Variants in MC5R observed in about 807,000 individuals in gnomAD.
MC5R encodes the protein melanocortin receptor 5.
For synonymous variants in MC5R, 167 were observed against 164.4 expected, an observed-to-expected ratio of 1.02 and a Z score of -0.12; for missense variants, 420 against 431.4, an observed-to-expected ratio of 0.97 and a Z score of 0.23.
chr18:13,825,643 CTG>C, intron 1 of MC5R, 82 bp from the exon 2 acceptor site: 1 of 752,236 alleles, frequency 1.3e-6, no homozygotes, highest in African/African-American at 1.8e-5. Context: ...CTTTCTTAGG[CTG>C]TGTTGGTTCT....
At position 13,826,242 on chromosome 18, in the gene MC5R, A is replaced by C; in HGVS notation, c.477A>C (p.Ser159=). The change falls in exon 2 of 2, where the codon TCA becomes TCC. Residue 159 remains serine, a synonymous_variant. Transcript: ENST00000589410. ...RYHHIMTARR[S]GAIIAGIWAF... The stretch of plus-strand genomic sequence containing the variant: ...ACCACATCATGACGGCGAGGCGCTC[A>C]GGGGCCATCATCGCCGGCATCTGGG... The C allele has an allele frequency of 6.2e-7, 1 of 1,614,126 alleles. No individual in the cohort carries two copies. The highest frequency in any genetic ancestry group is 8.5e-7 in the Non-Finnish European group (1 of 1,180,036).
Position 13,826,247 on chromosome 18 carries a change from C to T in MC5R, c.482C>T (p.Ala161Val), listed in dbSNP as rs758170512. 10 of 1,614,130 alleles carry T rather than the reference C, an allele frequency of 6.2e-6. No homozygotes were observed. The highest frequency in any genetic ancestry group is 1.1e-5 in the South Asian group (1 of 91,074). ...ATCATGACGGCGAGGCGCTCAGGGG[C>T]CATCATCGCCGGCATCTGGGCTTTC... ...HHIMTARRSGAIIAGIWAFCT... is the reference protein window; with the variant it reads ...HHIMTARRSGVIIAGIWAFCT... Residue 161 changes from alanine (A) to valine (V), a missense_variant, in exon 2 of 2, where the codon GCC becomes GTC. By Grantham distance (64) the Ala-to-Val change is moderately conservative. Transcript: ENST00000589410.
rs1272979555 is a variant in MC5R, at chr18:13,826,636, G to C, written c.871G>C (p.Asp291His). ...ACTCATCATGTGTAATTCCGTGATG[G>C]ACCCTCTCATATATGCCTTCCGCAG... Reference protein sequence around the residue: ...LILIMCNSVMDPLIYAFRSQE... With the variant: ...LILIMCNSVMHPLIYAFRSQE... The change falls in exon 2 of 2, where the codon GAC becomes CAC. Residue 291 changes from aspartate (D) to histidine (H), a missense_variant. Coordinates refer to ENST00000589410, the MANE Select transcript of MC5R (RefSeq NM_005913.3). 2 of 1,614,040 alleles carry C rather than the reference G, an allele frequency of 1.2e-6. No homozygotes were observed. Among genetic ancestry groups the C allele is most frequent in the Non-Finnish European group, 1.7e-6 (2 of 1,179,994 alleles).
In MC5R at chr18:13,826,905, T is replaced by A. The variant is rs764468918; in HGVS notation, c.*162T>A. The A allele has an allele frequency of 5.1e-5, 35 of 691,626 alleles. No homozygotes were observed. The highest frequency in any genetic ancestry group is 9.4e-5 in the Admixed American group (3 of 31,990). 42.8% of individuals were successfully genotyped at this position (691,626 alleles called of 1,614,324 possible). On this transcript the variant is annotated 3_prime_UTR_variant, in exon 2 of 2. Transcript: ENST00000589410. ...CTCTGTTCAGTTCCTGGTGATTATG[T>A]CCAACATGCAAGGGTTGCTTATCCA...
intron 1 of MC5R, among the ~76,000 whole-genome samples, chr18:13,824,659 TC>T (rs2044917629): frequency 7.0e-6 from 1 of 142,932 alleles, no homozygotes; most frequent in African/African-American, 2.5e-5. Flanking sequence ...CCTCCCTCCC[TC>T]CCAAAGTGAT....
intron 1 of MC5R, 82 bp downstream of exon 1, chr18:13,824,356 G>C (rs940564755): frequency 2.6e-5 from 4 of 152,264 alleles, no homozygotes; most frequent in Non-Finnish European, 5.9e-5. Context: ...GGAAGTGAGC[G>C]GGGCGGCAGC....
rs756711303 is a variant in MC5R at position 13,826,672 on chromosome 18, C to T, written c.907C>T (p.Arg303Trp). Residue 303 changes from arginine (R) to tryptophan (W), a missense_variant, in exon 2 of 2, where the codon CGG becomes TGG. Coordinates refer to ENST00000589410, the MANE Select transcript of MC5R (RefSeq NM_005913.3). ...LIYAFRSQEM[R>W]KTFKEIICCR... The stretch of plus-strand genomic sequence containing the variant: ...ATATGCCTTCCGCAGCCAAGAGATG[C>T]GGAAGACCTTTAAGGAGATTATTTG... 1.9e-6 allele frequency: 3 copies of T among 1,614,048 alleles called. No homozygotes were observed. The highest frequency in any genetic ancestry group is 3.3e-5 in the Admixed American group (2 of 60,028).
chr18:13,825,593 A>G, intron 1 of MC5R, 134 bp from the exon 2 acceptor site: 1 of 463,890 alleles, frequency 2.2e-6, no homozygotes, highest in South Asian at 4.3e-5. Context: ...GGACTGAGTG[A>G]GCCGAGCCCA....
chr18:13,826,351 G>T lies in MC5R; in HGVS notation c.586G>T (p.Ala196Ser), dbSNP rs143398965. Reference protein sequence around the residue: ...VILCLISMFFAMLFLLVSLYI... With the variant: ...VILCLISMFFSMLFLLVSLYI... ...CCTGTGCCTCATCTCCATGTTCTTC[G>T]CTATGCTGTTCCTCCTGGTGTCTCT... Residue 196 changes from alanine to serine, a missense_variant, in exon 2 of 2, where the codon GCT becomes TCT. Ala to Ser is a moderately conservative substitution (Grantham distance 99). Coordinates refer to ENST00000589410, the MANE Select transcript of MC5R (RefSeq NM_005913.3). 25 of 1,613,948 alleles carry T rather than the reference G, an allele frequency of 1.5e-5. No individual in the cohort carries two copies. The highest frequency in any genetic ancestry group is 2.2e-5 in the East Asian group (1 of 44,878).
At position 13,826,612 on chromosome 18, in the gene MC5R, CTCA is replaced by C; in HGVS notation, c.852_854del (p.Ile284del). Reference sequence around the variant, plus strand: ...GTCTCACTTCAATATGTACCTCATACTCATCATGTGTAATTCCGTGATGGACCC... The same window carrying C: ...GTCTCACTTCAATATGTACCTCATACTCATGTGTAATTCCGTGATGGACCC... On this transcript the variant is annotated inframe_deletion, in exon 2 of 2. Coordinates refer to ENST00000589410, the MANE Select transcript of MC5R (RefSeq NM_005913.3). 1.2e-6 allele frequency: 2 copies of C among 1,614,156 alleles called. No individual in the cohort carries two copies. Among genetic ancestry groups the C allele is most frequent in the Non-Finnish European group, 1.7e-6 (2 of 1,180,040 alleles).
rs1311325561 is a variant in MC5R at position 13,827,107 on chromosome 18, A to T, written c.*364A>T. The T allele has an allele frequency of 5.2e-6, 1 of 190,982 alleles. No homozygotes were observed. The highest frequency in any genetic ancestry group is 1.1e-5 in the Non-Finnish European group (1 of 93,980). 11.8% of individuals were successfully genotyped at this position (190,982 alleles called of 1,614,324 possible). On this transcript the variant is annotated 3_prime_UTR_variant, in exon 2 of 2. Coordinates refer to ENST00000589410, the MANE Select transcript of MC5R (RefSeq NM_005913.3). ...GAAACACGTATTGTGACGCGAAGAA[A>T]ACCGTGATATCGACGCCAGGTGGGA...
chr18:13,824,781 A>T (rs2044918120), intron 1 of MC5R, among the ~76,000 whole-genome samples: 1 of 151,274 alleles, frequency 6.6e-6, no homozygotes, highest in South Asian at 2.1e-4. Context: ...TTTTGCAACA[A>T]AGGAGTGTGG....
In MC5R at chr18:13,826,193, C is replaced by G. The variant is rs368712207; in HGVS notation, c.428C>G (p.Thr143Ser). Residue 143 changes from threonine (T) to serine (S), a missense_variant, in exon 2 of 2, where the codon ACC (threonine) becomes AGC (serine). Physicochemically the swap from Thr to Ser is moderately conservative, Grantham distance 58. Transcript: ENST00000589410. ...LLAIAVDRYV[T>S]IFYALRYHHI... ...GCCATTGCAGTGGATAGGTACGTCA[C>G]CATCTTCTACGCCCTGCGCTACCAC... The G allele has an allele frequency of 1.9e-6, 3 of 1,614,158 alleles. No individual in the cohort carries two copies. The highest frequency in any genetic ancestry group is 2.5e-6 in the Non-Finnish European group (3 of 1,180,048).
At chr18:13,824,503 CCT>C (rs2044916722) in intron 1 of MC5R, among the ~76,000 whole-genome samples, 2 of 152,032 alleles carry the variant, frequency 1.3e-5, no homozygotes, top group South Asian at 4.1e-4. Flanking sequence ...CCAATTTTTT[CCT>C]TTTTTATTTT....
chr18:13,826,791 C>T lies in MC5R; in HGVS notation c.*48C>T. On this transcript the variant is annotated 3_prime_UTR_variant, in exon 2 of 2. Transcript: ENST00000589410. ...GCTCTGTTCTCCTTTGTTTGCTCAC[C>T]TATGACAAAGCGACAGCCAAGGGGT... 6.5e-7 allele frequency: 1 copy of T among 1,533,642 alleles called. No individual in the cohort carries two copies. Among genetic ancestry groups the T allele is most frequent in the Non-Finnish European group, 8.7e-7 (1 of 1,148,478 alleles).
chr18:13,826,278 G>C lies in MC5R; in HGVS notation c.513G>C (p.Thr171=), dbSNP rs768057849. 2.5e-6 allele frequency: 4 copies of C among 1,614,104 alleles called. No homozygotes were observed. In the South Asian group the frequency reaches 3.3e-5, roughly 13 times the overall value. Residue 171 remains threonine, a synonymous_variant, in exon 2 of 2, where the codon ACG becomes ACC. Coordinates refer to ENST00000589410, the MANE Select transcript of MC5R (RefSeq NM_005913.3). ...AIIAGIWAFC[T]GCGIVFILYS... ...TCGCCGGCATCTGGGCTTTCTGCAC[G>C]GGCTGCGGCATTGTCTTCATCCTGT...
rs1478807423 is a variant in MC5R at position 13,826,562 on chromosome 18, A to G, written c.797A>G (p.Gln266Arg). 3 of 1,614,068 alleles carry G rather than the reference A, an allele frequency of 1.9e-6. No homozygotes were observed. The highest frequency in any genetic ancestry group is 1.1e-5 in the South Asian group (1 of 91,088). Reference protein sequence around the residue: ...LHLTLMLSCPQNLYCSRFMSH... With the variant: ...LHLTLMLSCPRNLYCSRFMSH... ...CTCACTTTAATGCTTTCTTGCCCTC[A>G]GAACCTCTACTGCTCTCGCTTCATG... Residue 266 changes from glutamine (Q) to arginine (R), a missense_variant, in exon 2 of 2, where the codon CAG becomes CGG. Transcript: ENST00000589410.
At chr18:13,824,456 G>A (rs2044916435) in intron 1 of MC5R, among the ~76,000 whole-genome samples, 182 bp downstream of exon 1, 1 of 152,234 alleles carries the variant, frequency 6.6e-6, no homozygotes. Context: ...GAACTCAGCT[G>A]TAACAAATGA....
At position 13,826,238 on chromosome 18, in the gene MC5R, G is replaced by A. The variant is rs756388651; in HGVS notation, c.473G>A (p.Arg158His). 9 of 1,613,980 alleles carry A rather than the reference G, an allele frequency of 5.6e-6. No individual in the cohort carries two copies. Among genetic ancestry groups the A allele is most frequent in the African/African-American group, 4.0e-5 (3 of 74,916 alleles). Residue 158 changes from arginine to histidine, a missense_variant, in exon 2 of 2, where the codon CGC (arginine) becomes CAC (histidine). Physicochemically the swap from Arg to His is conservative, Grantham distance 29. Coordinates refer to ENST00000589410, the MANE Select transcript of MC5R (RefSeq NM_005913.3). ...TACCACCACATCATGACGGCGAGGCGCTCAGGGGCCATCATCGCCGGCATC... is the reference window on the plus strand; with the variant it reads ...TACCACCACATCATGACGGCGAGGCACTCAGGGGCCATCATCGCCGGCATC... ...LRYHHIMTAR[R>H]SGAIIAGIWA... is the part of the protein sequence containing the mutation.
Sources: allele counts gnomAD v4.1 joint callset (sites outside exome capture counted in the v4.1 genomes callset), GRCh38; gene constraint gnomAD v4.1.1; transcripts MANE v1.5; gene names NCBI Gene and HGNC (gene_info 2026-07-23, HGNC 2026-07-21).